PLCL2: variants seen among roughly 807,000 people sequenced by gnomAD.
PLCL2 encodes phospholipase C like 2.
Under a neutral mutation model 79.6 loss-of-function variants are expected in PLCL2, and 4 were observed. The ratio of observed to expected loss-of-function variants is 0.05; its 90% CI spans 0.02 to 0.11. The LOEUF is 0.11. Among genes scored for constraint, PLCL2 ranks in the 10% least tolerant of loss-of-function variants. The pLI, the probability that PLCL2 is intolerant of heterozygous loss-of-function variation, is 1.00. For synonymous variants in PLCL2, 484 were observed against 457.7 expected (o/e 1.06, Z -0.73); for missense variants, 895 against 1,291.0 (o/e 0.69, Z 4.70).
intron 3 of PLCL2, among the ~76,000 whole-genome samples, chr3:17,033,998 A>T (rs1027425909): frequency 2.0e-5 from 3 of 152,180 alleles, no homozygotes; most frequent in Non-Finnish European, 2.9e-5. Flanking sequence ...CAGAACTGTC[A>T]TACTGCAGTT....
At chr3:16,955,686 T>C (rs1019103312) in intron 1 of PLCL2, among the ~76,000 whole-genome samples, 17 of 152,232 alleles carry the variant, frequency 1.1e-4, no homozygotes, top group Non-Finnish European at 2.4e-4. Flanking sequence ...CATTTGTTTG[T>C]ATCCTCTTTT....
At chr3:17,025,488 C>G (rs1180855324) in intron 3 of PLCL2, among the ~76,000 whole-genome samples, 1 of 151,964 alleles carries the variant, frequency 6.6e-6, no homozygotes, top group Non-Finnish European at 1.5e-5. Flanking sequence ...TTGGGATGTA[C>G]AATCACATTT....
chr3:17,046,621 C>G (rs942659853), intron 4 of PLCL2, among the ~76,000 whole-genome samples: 1 of 152,142 alleles, frequency 6.6e-6, no homozygotes, highest in South Asian at 2.1e-4. Context: ...ACTCTAAAAC[C>G]TCATTAAAAT....
At chr3:17,069,906 A>G (rs926898144) in intron 5 of PLCL2, among the ~76,000 whole-genome samples, 7 of 152,338 alleles carry the variant, frequency 4.6e-5, no homozygotes, top group Middle Eastern at 6.8e-3. Flanking sequence ...AACAGCAAAC[A>G]TAAGAATTTA....
chr3:17,062,329 G>C (rs1178557291), intron 4 of PLCL2, among the ~76,000 whole-genome samples: 1 of 152,168 alleles, frequency 6.6e-6, no homozygotes, highest in African/African-American at 2.4e-5. Context: ...TGTATATTCT[G>C]ACTGCGAAAT....
intron 5 of PLCL2, among the ~76,000 whole-genome samples, chr3:17,075,355 C>T (rs754866479): frequency 1.3e-5 from 2 of 151,796 alleles, no homozygotes; most frequent in African/African-American, 2.4e-5. Flanking sequence ...TTTATGGTGC[C>T]CCAAAATAAT....
chr3:16,938,408 C>T (rs1424098799), intron 1 of PLCL2, among the ~76,000 whole-genome samples: 1 of 151,988 alleles, frequency 6.6e-6, no homozygotes, highest in Non-Finnish European at 1.5e-5. Context: ...TACAAGAAGC[C>T]TCAGCCATCC....
At chr3:17,045,847 G>A (rs771552331) in intron 4 of PLCL2, among the ~76,000 whole-genome samples, 3 of 152,164 alleles carry the variant, frequency 2.0e-5, no homozygotes, top group Non-Finnish European at 2.9e-5. Context: ...ACAGAAAGCC[G>A]TGACATTTAG....
intron 1 of PLCL2, among the ~76,000 whole-genome samples, chr3:16,956,282 A>G (rs542801423): frequency 0.15 from 22,258 of 151,528 alleles, 623 homozygotes; most frequent in Non-Finnish European, 0.19. Flanking sequence ...ATCTATTGAG[A>G]TAATCATGTG....
At chr3:17,057,646 C>T (rs937503189) in intron 4 of PLCL2, among the ~76,000 whole-genome samples, 2 of 152,132 alleles carry the variant, frequency 1.3e-5, no homozygotes, top group South Asian at 2.1e-4. Flanking sequence ...ATAGAAGGGC[C>T]GCTTGAGTGG....
At chr3:17,058,870 G>A (rs1403717874) in intron 4 of PLCL2, among the ~76,000 whole-genome samples, 1 of 152,120 alleles carries the variant, frequency 6.6e-6, no homozygotes, top group Non-Finnish European at 1.5e-5. Context: ...TCAGATGTTT[G>A]TATTAAAGAC....
chr3:17,031,646 G>C (rs1163027693), intron 3 of PLCL2, among the ~76,000 whole-genome samples: 1 of 152,118 alleles, frequency 6.6e-6, no homozygotes. Flanking sequence ...TGAGACTATT[G>C]TATAAGGTTT....
chr3:17,003,631 A>C (rs570828541), intron 1 of PLCL2, among the ~76,000 whole-genome samples: 2 of 152,256 alleles, frequency 1.3e-5, no homozygotes, highest in South Asian at 4.1e-4. Context: ...GGCCTCAGGA[A>C]TGGGCCTTCT....
At chr3:16,997,701 G>A (rs1408355784) in intron 1 of PLCL2, among the ~76,000 whole-genome samples, 1 of 151,844 alleles carries the variant, frequency 6.6e-6, no homozygotes, top group Non-Finnish European at 1.5e-5. Context: ...ACCAGACCTG[G>A]CTAATTTTTT....
chr3:17,036,896 A>G (rs1255674336), intron 3 of PLCL2, among the ~76,000 whole-genome samples: 1 of 152,202 alleles, frequency 6.6e-6, no homozygotes, highest in Non-Finnish European at 1.5e-5. Context: ...AGGGCATGCT[A>G]GCTGAATGCT....
Position 16,904,158 on chromosome 3 carries a change from G to A in PLCL2, c.327+18792G>A, listed in dbSNP as rs561311288. Among the ~76,000 whole-genome samples, 92 of 152,238 alleles carry A rather than the reference G, an allele frequency of 6.0e-4. No individual in the cohort carries two copies. The Middle Eastern group carries it at 0.01, about 17-fold the overall frequency. On this transcript the variant is annotated intron_variant, in intron 1 of 5. Coordinates refer to ENST00000615277, the MANE Select transcript of PLCL2 (RefSeq NM_001144382.2). ...AAGTCCCATGTGTTGTGGGAACTTGGAGCTTTCTACATCCCTGCTTAGTTT... is the reference window on the plus strand; with the variant it reads ...AAGTCCCATGTGTTGTGGGAACTTGAAGCTTTCTACATCCCTGCTTAGTTT...
intron 1 of PLCL2, among the ~76,000 whole-genome samples, chr3:16,955,297 T>C (rs183920766): frequency 6.1e-4 from 93 of 152,328 alleles, no homozygotes; most frequent in Non-Finnish European, 1.1e-3. Context: ...TTTCCTCCCA[T>C]TTCTTGTTTT....
chr3:17,056,573 C>CG (rs1454393035), intron 4 of PLCL2, among the ~76,000 whole-genome samples: 1 of 152,132 alleles, frequency 6.6e-6, no homozygotes, highest in Non-Finnish European at 1.5e-5. Flanking sequence ...AAAGCAACTT[C>CG]AATTAACCCA....
intron 5 of PLCL2, among the ~76,000 whole-genome samples, chr3:17,083,486 C>A (rs2065184590): frequency 6.6e-6 from 1 of 152,138 alleles, no homozygotes; most frequent in Admixed American, 6.5e-5. Flanking sequence ...AGGACTTTGA[C>A]TCTCACTCTA....
Sources: gnomAD v4.1 joint callset for allele counts (sites outside exome capture counted in the v4.1 genomes callset) on GRCh38, gnomAD v4.1.1 for gene constraint, MANE v1.5 for transcripts, NCBI Gene and HGNC (gene_info 2026-07-23, HGNC 2026-07-21) for gene names.